Variants in ZNF407 observed in about 807,000 individuals in gnomAD.
ZNF407 encodes the protein zinc finger protein 407.
In ZNF407, 17 loss-of-function variants were observed where a neutral mutation model predicts 131.2. That is an observed-to-expected ratio of 0.13 (90% CI 0.09 to 0.19). The LOEUF (loss-of-function observed/expected upper bound fraction) is 0.19. Among genes scored for constraint, ZNF407 ranks in the 10% least tolerant of loss-of-function variants. ZNF407 has a pLI of 1.00. For missense variants in ZNF407, 2,681 were observed against 2,830.6 expected (o/e 0.95, Z 1.20); for synonymous variants, 1,156 against 1,062.0 (o/e 1.09, Z -1.72).
rs35713716 is a variant in ZNF407, at chr18:74,635,792, C to G, written c.4687+86C>G. 248,921 of 1,495,662 alleles carry G rather than the reference C, an allele frequency of 0.17. 21,576 individuals are homozygous for G. The highest frequency in any genetic ancestry group is 0.23 in the African/African-American group (16,227 of 71,326). 92.6% of individuals were successfully genotyped at this position (1,495,662 alleles called of 1,614,324 possible). A position where few individuals can be genotyped will look rare whatever the true frequency, so the allele number is the denominator to read the frequency against. ...ATATGCAGCCCTACCTGTGGCTGCT[C>G]ATTGGCTTTCCACCCGGTTCACATT... On this transcript the variant is annotated intron_variant, in intron 2 of 8. Transcript: ENST00000299687. This position sits in a 1 kb window ranked among gnomAD's most constrained non-coding sequence, Gnocchi z 4.7.
intron 3 of ZNF407, among the ~76,000 whole-genome samples, chr18:74,677,183 T>C (rs982609926): frequency 6.6e-6 from 1 of 152,212 alleles, no homozygotes; most frequent in Non-Finnish European, 1.5e-5. Flanking sequence ...CTCCGCCTCC[T>C]GGGCTCAAGC....
intron 8 of ZNF407, among the ~76,000 whole-genome samples, chr18:75,034,095 C>A (rs1973276803): frequency 6.6e-6 from 1 of 152,042 alleles, no homozygotes. Context: ...ATCATGAAAC[C>A]AAGCTGTGTT....
At position 74,762,091 on chromosome 18, in the gene ZNF407, G is replaced by A. The variant is rs538837087; in HGVS notation, c.4803-19337G>A. Reference sequence around the variant, plus strand: ...TTGCTCTGAAACTTAGGCTTTTCCAGGTAGTTGCTTGACAGTGTTACCATC... The same window carrying A: ...TTGCTCTGAAACTTAGGCTTTTCCAAGTAGTTGCTTGACAGTGTTACCATC... On this transcript the variant is annotated intron_variant, in intron 3 of 8. Transcript: ENST00000299687. Among the ~76,000 whole-genome samples the A allele has an allele frequency of 2.5e-4, 38 of 152,010 alleles. 1 individual carries two copies. The highest frequency in any genetic ancestry group is 9.2e-4 in the African/African-American group (38 of 41,494).
intron 3 of ZNF407, among the ~76,000 whole-genome samples, chr18:74,753,759 A>G (rs1399779641): frequency 6.6e-6 from 1 of 152,126 alleles, no homozygotes; most frequent in Non-Finnish European, 1.5e-5. Context: ...TTTTGCCAGT[A>G]TTTTATTGAG....
At chr18:74,849,322 C>CG (rs1490207810) in intron 4 of ZNF407, among the ~76,000 whole-genome samples, 1 of 152,102 alleles carries the variant, frequency 6.6e-6, no homozygotes, top group African/African-American at 2.4e-5. Context: ...TCGTGATCCG[C>CG]CCGCCTGTGC....
chr18:74,952,361 A>G (rs1972224413), intron 8 of ZNF407, among the ~76,000 whole-genome samples: 1 of 152,180 alleles, frequency 6.6e-6, no homozygotes, highest in Admixed American at 6.5e-5. Context: ...CTGCGCTGTC[A>G]TGCTCATGGA....
chr18:74,751,639 T>A (rs1307170825), intron 3 of ZNF407, among the ~76,000 whole-genome samples: 1 of 152,146 alleles, frequency 6.6e-6, no homozygotes, highest in Non-Finnish European at 1.5e-5. Context: ...TTTCTGTCCT[T>A]GCAATAGTTT....
chr18:74,979,387 G>C (rs563127264), intron 8 of ZNF407, among the ~76,000 whole-genome samples: 24 of 152,298 alleles, frequency 1.6e-4, no homozygotes, highest in African/African-American at 5.3e-4. Context: ...TGCCTCCCGG[G>C]TTCGAGCAAT....
intron 3 of ZNF407, among the ~76,000 whole-genome samples, chr18:74,773,032 G>A (rs560219141): frequency 1.3e-5 from 2 of 152,134 alleles, no homozygotes; most frequent in East Asian, 1.9e-4. Flanking sequence ...AATGTTGGAC[G>A]TGCTTTACAA....
chr18:74,605,367 A>G (rs1370283535), intron 1 of ZNF407, among the ~76,000 whole-genome samples: 4 of 152,176 alleles, frequency 2.6e-5, no homozygotes, highest in African/African-American at 9.7e-5. Flanking sequence ...TTCACTATGA[A>G]ATGCGTATTA....
In ZNF407 at chr18:74,644,649, T is replaced by C. The variant is rs182460259; in HGVS notation, c.4802+3527T>C. ...CTAATAAATAGCCTTGATTAACTTTTATCTCACTTGTTGATTTCCATAGCT... is the reference window on the plus strand; with the variant it reads ...CTAATAAATAGCCTTGATTAACTTTCATCTCACTTGTTGATTTCCATAGCT... On this transcript the variant is annotated intron_variant, in intron 3 of 8. Coordinates refer to ENST00000299687, the MANE Select transcript of ZNF407 (RefSeq NM_017757.3). Among the ~76,000 whole-genome samples the C allele has an allele frequency of 3.0e-3, 449 of 152,098 alleles. 3 individuals are homozygous for C. Among genetic ancestry groups the C allele is most frequent in the African/African-American group, 0.01 (422 of 41,574 alleles).
chr18:75,059,801 T>TTA (rs1973603320), intron 8 of ZNF407, among the ~76,000 whole-genome samples: 1 of 151,982 alleles, frequency 6.6e-6, no homozygotes, highest in South Asian at 2.1e-4. Context: ...GATCAAAGTT[T>TTA]ACAAGACAAC....
Position 74,632,571 on chromosome 18 carries a change from G to C in ZNF407, c.1552G>C (p.Val518Leu), listed in dbSNP as rs765769862. The part of the protein sequence containing the change: ...PPDSGLHSLT[V>L]KPASGSQTLC... ...GGACTCCGGGCTGCATTCCCTGACA[G>C]TGAAGCCAGCTTCTGGCTCTCAGAC... The change falls in exon 2 of 9, where the codon GTG becomes CTG. Residue 518 changes from valine (V) to leucine (L), a missense_variant. Around this residue, in one of 6 missense-constraint regions of ZNF407, gnomAD observed 1,789 missense variants for 1,748.7 expected, o/e 1.02. Coordinates refer to ENST00000299687, the MANE Select transcript of ZNF407 (RefSeq NM_017757.3). The C allele has an allele frequency of 9.9e-6, 16 of 1,613,934 alleles. 1 individual carries two copies. The South Asian group carries it at 1.8e-4, about 18-fold the overall frequency.
At chr18:75,010,327 T>G (rs1344537754) in intron 8 of ZNF407, among the ~76,000 whole-genome samples, 3 of 152,088 alleles carry the variant, frequency 2.0e-5, no homozygotes, top group Non-Finnish European at 4.4e-5. Flanking sequence ...GTTTTGGAGG[T>G]CCAGACAAGT....
chr18:74,740,828 C>T (rs558801878), intron 3 of ZNF407, among the ~76,000 whole-genome samples: 17 of 152,250 alleles, frequency 1.1e-4, no homozygotes, highest in South Asian at 2.1e-4. Context: ...AGGGTCTAGA[C>T]GAACCCCCTC....
chr18:74,791,196 T>G (rs1969819319), intron 4 of ZNF407, among the ~76,000 whole-genome samples: 1 of 152,200 alleles, frequency 6.6e-6, no homozygotes, highest in African/African-American at 2.4e-5. Flanking sequence ...TCAAGAACAT[T>G]AAGGCACTCT....
chr18:74,817,303 T>C lies in ZNF407; in HGVS notation c.4877+35801T>C, dbSNP rs557615618. 3.3e-5 allele frequency among the ~76,000 whole-genome samples: 5 copies of C among 152,292 alleles called. No homozygotes were observed. The South Asian group carries it at 6.2e-4, about 19-fold the overall frequency. On this transcript the variant is annotated intron_variant, in intron 4 of 8. Transcript: ENST00000299687. ...TTCTATAGTCCTGTTGTTTTTCTTA[T>C]TGTGTCTGAATGATGTCTGAATACA...
intron 8 of ZNF407, among the ~76,000 whole-genome samples, chr18:75,020,752 A>C (rs1973100323): frequency 6.6e-6 from 1 of 152,220 alleles, no homozygotes; most frequent in South Asian, 2.1e-4. Flanking sequence ...TGTATTTGAA[A>C]AAATAAGTTT....
intron 1 of ZNF407, among the ~76,000 whole-genome samples, chr18:74,617,083 A>C (rs1983338532): frequency 2.0e-5 from 2 of 100,970 alleles, no homozygotes; most frequent in African/African-American, 4.5e-5. Flanking sequence ...ACACACATCC[A>C]TATCCATGCA....
Sources: gnomAD v4.1 joint callset for allele counts (sites outside exome capture counted in the v4.1 genomes callset) on GRCh38, gnomAD v4.1.1 for gene constraint, gnomAD v4.1.1 regional missense constraint, Gnocchi (gnomAD v3.1) non-coding constraint, MANE v1.5 for transcripts, NCBI Gene and HGNC (gene_info 2026-07-23, HGNC 2026-07-21) for gene names.